Variants in FAM120B observed in about 807,000 individuals in gnomAD.
The protein encoded by FAM120B is constitutive coactivator of peroxisome proliferator-activated receptor gamma.
A neutral mutation model predicts 96.3 loss-of-function variants in FAM120B; 83 were observed. The ratio of observed to expected loss-of-function variants is 0.86; its 90% CI spans 0.72 to 1.03. FAM120B has a LOEUF of 1.03. Ranked by LOEUF, FAM120B falls within the 50% of genes least tolerant of loss-of-function variation. The pLI is 0.00. For missense variants in FAM120B, 1,027 were observed against 1,121.2 expected, an observed-to-expected ratio of 0.92 and a Z score of 1.20; for synonymous variants, 407 against 402.7, an observed-to-expected ratio of 1.01 and a Z score of -0.13.
intron 1 of FAM120B, among the ~76,000 whole-genome samples, chr6:170,301,610 GC>G (rs1784143596): frequency 6.6e-6 from 1 of 152,072 alleles, no homozygotes; most frequent in Admixed American, 6.5e-5. Context: ...TTTATGCTCT[GC>G]TTCCTCTTGA....
intron 2 of FAM120B, among the ~76,000 whole-genome samples, chr6:170,319,736 A>C (rs1484989637): frequency 6.6e-6 from 1 of 152,244 alleles, no homozygotes; most frequent in Non-Finnish European, 1.5e-5. Flanking sequence ...GGGCAGCCAA[A>C]ATATGCATTG....
Position 170,370,896 on chromosome 6 carries a change from T to G in FAM120B, c.2283+12578T>G, listed in dbSNP as rs1041303121. 2.0e-5 allele frequency among the ~76,000 whole-genome samples: 3 copies of G among 152,072 alleles called. No homozygotes were observed. The highest frequency in any genetic ancestry group is 4.8e-5 in the African/African-American group (2 of 41,400). On this transcript the variant is annotated intron_variant, in intron 6 of 10. Coordinates refer to ENST00000476287, the MANE Select transcript of FAM120B (RefSeq NM_032448.3). This position sits in a 1 kb window ranked among gnomAD's most constrained non-coding sequence, Gnocchi z 4.3. ...AGAATTTGCAGCACTTGGCCCTGTG[T>G]GCAGGCGGGAGTCAACACTGAGCCA...
At chr6:170,299,672 C>G (rs968697432) in intron 1 of FAM120B, among the ~76,000 whole-genome samples, 6 of 152,168 alleles carry the variant, frequency 3.9e-5, no homozygotes, top group African/African-American at 1.2e-4. Flanking sequence ...GGAATTATTC[C>G]TTCTTGGATG....
intron 4 of FAM120B, among the ~76,000 whole-genome samples, chr6:170,337,651 GTCTGGT>G (rs1562541944): frequency 1.3e-5 from 2 of 152,100 alleles, no homozygotes; most frequent in Non-Finnish European, 1.5e-5. Context: ...CTGTGAATCC[GTCTGGT>G]CCTGGGCTTT....
At chr6:170,328,181 T>A (rs1276652297) in intron 3 of FAM120B, among the ~76,000 whole-genome samples, 2 of 138,988 alleles carry the variant, frequency 1.4e-5, no homozygotes, top group Non-Finnish European at 3.0e-5. Context: ...CAAAAAATTC[T>A]TTCTTTATAT....
intron 2 of FAM120B, among the ~76,000 whole-genome samples, chr6:170,321,045 CTT>C (rs1562525536): frequency 6.6e-6 from 1 of 152,154 alleles, no homozygotes; most frequent in African/African-American, 2.4e-5. Context: ...GTGGAAGAGA[CTT>C]TGTTGGGGAA....
At chr6:170,361,210 A>ACG (rs1300589956) in intron 6 of FAM120B, among the ~76,000 whole-genome samples, 99 of 96,426 alleles carry the variant, frequency 1.0e-3, no homozygotes, top group African/African-American at 1.7e-3. Flanking sequence ...ATATATATAT[A>ACG]TATATATATA....
intron 1 of FAM120B, among the ~76,000 whole-genome samples, chr6:170,311,575 C>T (rs1318721769): frequency 6.6e-6 from 1 of 152,226 alleles, no homozygotes; most frequent in African/African-American, 2.4e-5. Flanking sequence ...AGTACCCTCT[C>T]CTCAGGGTTT....
In FAM120B at chr6:170,344,170, A is replaced by G. The variant is rs7766096; in HGVS notation, c.2018-3981A>G. ...GAGCAGCCCCACCTTGGAAGAACGG[A>G]TGAAATCGTTCAGTCCATTCACCTG... On this transcript the variant is annotated intron_variant, in intron 4 of 10. Coordinates refer to ENST00000476287, the MANE Select transcript of FAM120B (RefSeq NM_032448.3). Among the ~76,000 whole-genome samples, 775 of 116,230 alleles carry G rather than the reference A, an allele frequency of 6.7e-3. 6 individuals carry two copies. Among genetic ancestry groups the G allele is most frequent in the African/African-American group, 0.023 (638 of 27,514 alleles). The allele number at this position is 116,230 out of a possible 152,430, so 76.3% of individuals were successfully genotyped here.
rs754445368 is a variant in FAM120B at position 170,318,205 on chromosome 6, C to A, written c.815C>A (p.Ser272Ter). 6.2e-7 allele frequency: 1 copy of A among 1,613,704 alleles called. No individual in the cohort carries two copies. Among genetic ancestry groups the A allele is most frequent in the African/African-American group, 1.3e-5 (1 of 74,846 alleles). Residue 272 changes from serine (S) to a stop codon, truncating the protein, a stop_gained, in exon 2 of 11, where the codon TCG (serine) becomes TAG (stop). Transcript: ENST00000476287. LOFTEE classifies it high-confidence loss of function. ...ATATTAGCTGTGTCAGACCATATATCGAAAGTTCTTTACTTGTATCAAGGT... is the reference window on the plus strand; with the variant it reads ...ATATTAGCTGTGTCAGACCATATATAGAAAGTTCTTTACTTGTATCAAGGT... ...NIILAVSDHI[S>*]KVLYLYQGEK...
At chr6:170,388,834 C>T (rs1472086099) in intron 7 of FAM120B, among the ~76,000 whole-genome samples, 1 of 152,158 alleles carries the variant, frequency 6.6e-6, no homozygotes, top group East Asian at 1.9e-4. Flanking sequence ...ATTTTTGACT[C>T]CCCCAAAACG....
chr6:170,379,083 C>T (rs1456469113), intron 6 of FAM120B, among the ~76,000 whole-genome samples: 4 of 152,176 alleles, frequency 2.6e-5, no homozygotes, highest in African/African-American at 9.7e-5. Context: ...GAAGGAATGA[C>T]ATGACCCAAC....
At chr6:170,341,891 G>T (rs916497974) in intron 4 of FAM120B, among the ~76,000 whole-genome samples, 1 of 152,234 alleles carries the variant, frequency 6.6e-6, no homozygotes, top group African/African-American at 2.4e-5. Flanking sequence ...CGTTGGAATT[G>T]CTGGGAGCTG....
chr6:170,330,434 A>G lies in FAM120B; in HGVS notation c.1916-15A>G, dbSNP rs768429416. On this transcript the variant is annotated splice_polypyrimidine_tract_variant and intron_variant, in intron 3 of 10. Coordinates refer to ENST00000476287, the MANE Select transcript of FAM120B (RefSeq NM_032448.3). Reference sequence around the variant, plus strand: ...ATGCCCTCATGCATCTACTGACCCAACTCTTTTTCTTCAGATGTCACCAGC... The same window carrying G: ...ATGCCCTCATGCATCTACTGACCCAGCTCTTTTTCTTCAGATGTCACCAGC... 5.6e-6 allele frequency: 9 copies of G among 1,609,224 alleles called. No homozygotes were observed. In the East Asian group the frequency reaches 6.7e-5, roughly 12 times the overall value.
At chr6:170,321,585 CCCAGGCTGG>C (rs1785290553) in intron 2 of FAM120B, among the ~76,000 whole-genome samples, 1 of 152,142 alleles carries the variant, frequency 6.6e-6, no homozygotes, top group Admixed American at 6.5e-5. Flanking sequence ...CGCCATGTTG[CCCAGGCTGG>C]CCTTGAACTC....
chr6:170,305,165 T>C (rs960276424), upstream of FAM120B, among the ~76,000 whole-genome samples: 2 of 150,444 alleles, frequency 1.3e-5, no homozygotes, highest in African/African-American at 5.0e-5. Flanking sequence ...ACCTATGAAC[T>C]TGGGGGGGGC....
At chr6:170,303,806 A>G (rs1225909118), upstream of FAM120B, among the ~76,000 whole-genome samples, 3 of 152,200 alleles carry the variant, frequency 2.0e-5, no homozygotes, top group Non-Finnish European at 4.4e-5. Context: ...GACATATGCT[A>G]TATCCTTTTT....
intron 6 of FAM120B, among the ~76,000 whole-genome samples, chr6:170,365,671 A>G (rs1788735322): frequency 6.6e-6 from 1 of 152,052 alleles, no homozygotes; most frequent in South Asian, 2.1e-4. Context: ...AGTGGTAGAG[A>G]GGCATGAGCA....
chr6:170,309,879 G>A (rs1340692380), intron 1 of FAM120B, among the ~76,000 whole-genome samples: 1 of 152,224 alleles, frequency 6.6e-6, no homozygotes, highest in Non-Finnish European at 1.5e-5. Flanking sequence ...TGTGCTGAAT[G>A]TGATGTAAAC....
Sources: gnomAD v4.1 joint callset for allele counts (sites outside exome capture counted in the v4.1 genomes callset) on GRCh38, gnomAD v4.1.1 for gene constraint, Gnocchi (gnomAD v3.1) non-coding constraint, MANE v1.5 for transcripts, NCBI Gene and HGNC (gene_info 2026-07-23, HGNC 2026-07-21) for gene names.